SPATA22: variants seen among roughly 807,000 people sequenced by gnomAD.
SPATA22 encodes the protein spermatogenesis associated 22.
Under a neutral mutation model 47.8 loss-of-function variants are expected in SPATA22, and 29 were observed. The observed-to-expected ratio is 0.61, with a 90% CI of 0.45 to 0.83. The LOEUF (loss-of-function observed/expected upper bound fraction) is 0.83, where lower values mean the gene tolerates loss of function less well. SPATA22 is among the 40% of genes least tolerant of loss of function. The pLI is 0.00. For synonymous variants in SPATA22, 133 were observed against 140.9 expected (o/e 0.94, Z 0.40); for missense variants, 410 against 421.7 (o/e 0.97, Z 0.24).
At chr17:3,467,612 T>TA in intron 2 of SPATA22, 58 bp from the exon 3 acceptor site, 1 of 1,421,270 alleles carries the variant, frequency 7.0e-7, no homozygotes, top group Non-Finnish European at 9.5e-7. Flanking sequence ...GATCTAGTTG[T>TA]AAAATAATTA....
rs75943146 is a variant in SPATA22, at chr17:3,496,024, G to A, written c.-74+17388C>T. Among the ~76,000 whole-genome samples, 734 of 152,308 alleles carry A rather than the reference G, an allele frequency of 4.8e-3. 8 individuals carry two copies. Among genetic ancestry groups the A allele is most frequent in the Middle Eastern group, 0.02 (6 of 294 alleles). Reference sequence around the variant, plus strand: ...TCAGGTTTTAGGATACTCTTGAGGAGTACAAAAATAATCCCAGGCAGACGG... The same window carrying A: ...TCAGGTTTTAGGATACTCTTGAGGAATACAAAAATAATCCCAGGCAGACGG... On this transcript the variant is annotated intron_variant, in intron 1 of 8. Transcript: ENST00000541913.
At chr17:3,499,744 TGTC>T (rs2073968041) in intron 1 of SPATA22, 1 of 152,296 alleles carries the variant, frequency 6.6e-6, no homozygotes, top group African/African-American at 2.4e-5. Flanking sequence ...GCCATTTCCT[TGTC>T]TCTCTCCCTG....
chr17:3,496,936 G>C (rs1397708604), intron 1 of SPATA22, among the ~76,000 whole-genome samples: 1 of 152,084 alleles, frequency 6.6e-6, no homozygotes, highest in African/African-American at 2.4e-5. Context: ...CATGGTGGCA[G>C]GCGCCTGTAA....
intron 1 of SPATA22, among the ~76,000 whole-genome samples, chr17:3,509,017 T>C (rs1252091074): frequency 6.6e-6 from 1 of 151,446 alleles, no homozygotes; most frequent in Non-Finnish European, 1.5e-5. Flanking sequence ...TCGGCAATAA[T>C]GATAGTAAGA....
chr17:3,470,297 T>C (rs892389816), intron 1 of SPATA22, among the ~76,000 whole-genome samples: 6 of 152,244 alleles, frequency 3.9e-5, no homozygotes, highest in African/African-American at 1.4e-4. Context: ...CAACGAACAC[T>C]TGCCCACTGC....
intron 1 of SPATA22, among the ~76,000 whole-genome samples, chr17:3,495,341 G>C (rs916944362): frequency 6.6e-6 from 1 of 152,142 alleles, no homozygotes; most frequent in African/African-American, 2.4e-5. Flanking sequence ...TCCACTCTGA[G>C]ATACTCTGAT....
intron 1 of SPATA22, among the ~76,000 whole-genome samples, chr17:3,505,746 GTTGT>G (rs2074034678): frequency 1.1e-5 from 1 of 90,080 alleles, no homozygotes. Flanking sequence ...TTGTTTGTTT[GTTGT>G]TTTTTGTTTT....
chr17:3,453,346 G>T (rs2072906878), intron 5 of SPATA22, among the ~76,000 whole-genome samples: 1 of 152,076 alleles, frequency 6.6e-6, no homozygotes, highest in Non-Finnish European at 1.5e-5. Flanking sequence ...TTATTTCTGG[G>T]ATGCAAGGTT....
At chr17:3,511,991 AATGCT>A (rs1387012500) in intron 1 of SPATA22, 1 of 152,140 alleles carries the variant, frequency 6.6e-6, no homozygotes, top group Non-Finnish European at 1.5e-5. Context: ...CCAGATGTGG[AATGCT>A]GATTTGTACA....
At chr17:3,502,915 C>T (rs1445462042) in intron 1 of SPATA22, 3 of 152,242 alleles carry the variant, frequency 2.0e-5, no homozygotes, top group Non-Finnish European at 4.4e-5. Flanking sequence ...CAACAGGGCA[C>T]TGGACACACA....
chr17:3,444,490 C>G (rs2150695283), intron 7 of SPATA22, among the ~76,000 whole-genome samples: 1 of 152,102 alleles, frequency 6.6e-6, no homozygotes, highest in East Asian at 1.9e-4. Context: ...AATGTATAGT[C>G]TACAAAAATT....
At chr17:3,443,575 G>C (rs1376285968) in intron 7 of SPATA22, among the ~76,000 whole-genome samples, 1 of 151,774 alleles carries the variant, frequency 6.6e-6, no homozygotes, top group African/African-American at 2.4e-5. Context: ...TAAATCCCCA[G>C]AACAGTCTAC....
chr17:3,449,679 C>T (rs554363430), intron 5 of SPATA22, among the ~76,000 whole-genome samples: 16 of 152,246 alleles, frequency 1.1e-4, no homozygotes, highest in African/African-American at 3.9e-4. Flanking sequence ...TTTTACTGCA[C>T]AGCTTAAAAG....
At chr17:3,498,994 T>C (rs1238769337) in intron 1 of SPATA22, 1 of 1,614,242 alleles carries the variant, frequency 6.2e-7, no homozygotes, top group Non-Finnish European at 8.5e-7. Flanking sequence ...CCCGTGTTTG[T>C]GAATGAGGCC....
intron 3 of SPATA22, among the ~76,000 whole-genome samples, chr17:3,463,385 T>C (rs112644253): frequency 6.6e-6 from 1 of 152,218 alleles, no homozygotes; most frequent in Non-Finnish European, 1.5e-5. Flanking sequence ...TACAAACTTG[T>C]GCAACATGTT....
intron 5 of SPATA22, among the ~76,000 whole-genome samples, chr17:3,451,658 G>A (rs932068983): frequency 7.9e-5 from 12 of 152,072 alleles, no homozygotes; most frequent in African/African-American, 2.9e-4. Context: ...GCTAGAAAAT[G>A]GAAAAATTCG....
intron 1 of SPATA22, chr17:3,489,314 T>C (rs1567614696): frequency 6.2e-7 from 1 of 1,612,626 alleles, no homozygotes. Flanking sequence ...TTAAACATGC[T>C]CTTGATTTTA....
rs202168434 is a variant in SPATA22, at chr17:3,462,444, G to A, written c.329+39C>T. 3.0e-4 allele frequency: 416 copies of A among 1,367,610 alleles called. 4 individuals carry two copies. In the East Asian group the frequency reaches 5.9e-3, roughly 20 times the overall value. The allele number at this position is 1,367,610 out of a possible 1,614,324, so 84.7% of individuals were successfully genotyped here. On this transcript the variant is annotated intron_variant, in intron 5 of 8. Transcript: ENST00000572969. ...AATGAAGAGGAAGACAGGAAAATGA[G>A]AAGGAATAGAAGAAGAAAGAAATTT...
chr17:3,484,350 G>T (rs2073683820), intron 1 of SPATA22, among the ~76,000 whole-genome samples: 1 of 152,182 alleles, frequency 6.6e-6, no homozygotes, highest in Non-Finnish European at 1.5e-5. Context: ...AGCTTCGTAT[G>T]TGATGAGAAA....
Sources: gnomAD v4.1 joint callset for allele counts (sites outside exome capture counted in the v4.1 genomes callset) on GRCh38, gnomAD v4.1.1 for gene constraint, MANE v1.5 for transcripts, NCBI Gene and HGNC (gene_info 2026-07-23, HGNC 2026-07-21) for gene names.